The following BNC1 variants were observed in gnomAD, a reference collection of about 807,000 sequenced individuals.
BNC1 encodes the protein basonuclin zinc finger protein 1, also known as zinc finger protein basonuclin-1.
A neutral mutation model predicts 66.5 loss-of-function variants in BNC1; 8 were observed. The observed-to-expected ratio is 0.12, with a 90% CI of 0.07 to 0.22. The LOEUF (loss-of-function observed/expected upper bound fraction) is 0.22, where lower values mean the gene tolerates loss of function less well. BNC1 is among the 10% of genes least tolerant of loss of function. The pLI, the probability that BNC1 is intolerant of heterozygous loss-of-function variation, is 1.00. For synonymous variants in BNC1, 454 were observed against 452.6 expected (o/e 1.00, Z -0.04); for missense variants, 1,069 against 1,241.3 (o/e 0.86, Z 2.09).
chr15:83,256,864 T>A lies in BNC1; in HGVS notation c.*578A>T, dbSNP rs1187066597. The A allele has an allele frequency of 6.6e-6, 1 of 152,642 alleles. No homozygotes were observed. The highest frequency in any genetic ancestry group is 2.4e-5 in the African/African-American group (1 of 41,460). 9.5% of individuals were successfully genotyped at this position (152,642 alleles called of 1,614,324 possible). ...CATGTTAGAGGCCAACCCAATCCTC[T>A]GAGAACTCCCTGGGGTAACATATGA... On this transcript the variant is annotated 3_prime_UTR_variant, in exon 5 of 5. Coordinates refer to ENST00000345382, the MANE Select transcript of BNC1 (RefSeq NM_001717.4).
intron 1 of BNC1, among the ~76,000 whole-genome samples, chr15:83,273,288 A>G (rs921830350): frequency 3.3e-5 from 5 of 152,226 alleles, no homozygotes; most frequent in Admixed American, 1.3e-4. Flanking sequence ...TTAGAACTCC[A>G]CGACATAGTA....
At position 83,263,217 on chromosome 15, in the gene BNC1, C is replaced by T. The variant is rs1456401759; in HGVS notation, c.2034G>A (p.Leu678=). The change falls in exon 4 of 5, where the codon CTG becomes CTA. Residue 678 remains leucine (L), a synonymous_variant. Coordinates refer to ENST00000345382, the MANE Select transcript of BNC1 (RefSeq NM_001717.4). ...FSDYMELQQR[L]LAGGLFSALS... is the part of the protein sequence containing the mutation. ...AAGCACTGAAGAGTCCCCCAGCCAGCAGGCGCTGCTGCAGTTCCATGTAGT... is the reference window on the plus strand; with the variant it reads ...AAGCACTGAAGAGTCCCCCAGCCAGTAGGCGCTGCTGCAGTTCCATGTAGT... The T allele has an allele frequency of 6.2e-7, 1 of 1,614,218 alleles. No individual in the cohort carries two copies. Among genetic ancestry groups the T allele is most frequent in the Non-Finnish European group, 8.5e-7 (1 of 1,180,054 alleles).
At chr15:83,272,706 C>A (rs1166616078) in intron 1 of BNC1, among the ~76,000 whole-genome samples, 1 of 152,194 alleles carries the variant, frequency 6.6e-6, no homozygotes. Flanking sequence ...GTGACTGTCT[C>A]AGGTTCAGCA....
At chr15:83,278,018 C>T (rs2038343770) in intron 1 of BNC1, among the ~76,000 whole-genome samples, 1 of 151,950 alleles carries the variant, frequency 6.6e-6, no homozygotes. Context: ...TATGAAAACC[C>T]ACAGAGGTAC....
intron 1 of BNC1, among the ~76,000 whole-genome samples, chr15:83,274,727 A>G (rs1443735683): frequency 6.6e-6 from 1 of 152,254 alleles, no homozygotes; most frequent in East Asian, 1.9e-4. Context: ...AGCATTTATT[A>G]CATGTGAGAT....
Position 83,265,066 on chromosome 15 carries a change from C to T in BNC1, c.436-251G>A, listed in dbSNP as rs138334043. On this transcript the variant is annotated intron_variant, in intron 3 of 4. Coordinates refer to ENST00000345382, the MANE Select transcript of BNC1 (RefSeq NM_001717.4). ...AAGAGACAAATAAAACCATATTACT[C>T]AAGTGAAGTCAGGGAAATGTAGTGA... Among the ~76,000 whole-genome samples the T allele has an allele frequency of 2.0e-5, 3 of 152,300 alleles. No homozygotes were observed. In the East Asian group the frequency reaches 5.8e-4, roughly 29 times the overall value.
chr15:83,269,127 G>A (rs188627837), intron 1 of BNC1, among the ~76,000 whole-genome samples: 8 of 152,324 alleles, frequency 5.3e-5, no homozygotes, highest in African/African-American at 1.9e-4. Flanking sequence ...GGGAGGCTAA[G>A]GCCGAAGAAT....
At position 83,263,769 on chromosome 15, in the gene BNC1, A is replaced by G; in HGVS notation, c.1482T>C (p.Ser494=). 2 of 1,614,170 alleles carry G rather than the reference A, an allele frequency of 1.2e-6. No individual in the cohort carries two copies. Among genetic ancestry groups the G allele is most frequent in the Non-Finnish European group, 1.7e-6 (2 of 1,180,024 alleles). Residue 494 remains serine (S), a synonymous_variant, in exon 4 of 5, where the codon AGT becomes AGC. Coordinates refer to ENST00000345382, the MANE Select transcript of BNC1 (RefSeq NM_001717.4). Reference sequence around the variant, plus strand: ...TTGCTACCTCGGCAGGCGTGGCTGGACTGCGGTAGAAAGGAAGGACTGGCT... The same window carrying G: ...TTGCTACCTCGGCAGGCGTGGCTGGGCTGCGGTAGAAAGGAAGGACTGGCT... ...TVQPVLPFYR[S]PATPAEVANT...
chr15:83,280,046 G>A (rs767127399), intron 1 of BNC1, among the ~76,000 whole-genome samples: 4 of 152,148 alleles, frequency 2.6e-5, no homozygotes, highest in Non-Finnish European at 4.4e-5. Flanking sequence ...TTCTTTTGAT[G>A]TCTATGAATC....
At chr15:83,274,181 G>A (rs1356043759) in intron 1 of BNC1, among the ~76,000 whole-genome samples, 1 of 152,126 alleles carries the variant, frequency 6.6e-6, no homozygotes, top group Non-Finnish European at 1.5e-5. Flanking sequence ...TCAGGAGATT[G>A]AGACCATCCT....
At chr15:83,268,354 T>C (rs2038237603) in intron 1 of BNC1, 122 bp from the exon 2 acceptor site, 6 of 846,204 alleles carry the variant, frequency 7.1e-6, no homozygotes, top group Non-Finnish European at 9.5e-6. Flanking sequence ...GTGCCCACTG[T>C]GTGCCAGGCC....
intron 1 of BNC1, among the ~76,000 whole-genome samples, chr15:83,273,487 C>T (rs913630462): frequency 6.6e-6 from 1 of 152,196 alleles, no homozygotes; most frequent in Non-Finnish European, 1.5e-5. Flanking sequence ...ACATTCTGAA[C>T]TCATCAAGAC....
chr15:83,260,790 T>C (rs1484853698), intron 4 of BNC1, among the ~76,000 whole-genome samples: 1 of 152,216 alleles, frequency 6.6e-6, no homozygotes, highest in Non-Finnish European at 1.5e-5. Context: ...AAAGAGAAGT[T>C]AAATGTCCCT....
intron 1 of BNC1, among the ~76,000 whole-genome samples, chr15:83,279,468 T>A (rs1308976901): frequency 2.0e-5 from 3 of 152,180 alleles, no homozygotes; most frequent in Middle Eastern, 3.2e-3. Flanking sequence ...CAGAGAGGGC[T>A]TCCTCCAGGA....
intron 1 of BNC1, among the ~76,000 whole-genome samples, chr15:83,270,480 T>A (rs1248645188): frequency 6.6e-6 from 1 of 152,178 alleles, no homozygotes; most frequent in East Asian, 1.9e-4. Context: ...TTTCTCCACA[T>A]CCTCATCAAC....
intron 1 of BNC1, among the ~76,000 whole-genome samples, chr15:83,270,027 T>C (rs764901784): frequency 3.3e-5 from 5 of 152,300 alleles, no homozygotes; most frequent in South Asian, 2.1e-4. Context: ...AACAGGCCAA[T>C]TGATAAAGGC....
intron 1 of BNC1, among the ~76,000 whole-genome samples, chr15:83,281,853 G>A (rs888191273): frequency 1.3e-5 from 2 of 152,188 alleles, no homozygotes; most frequent in Admixed American, 6.5e-5. Context: ...GGGTTGGATC[G>A]TCTTTCCAAT....
chr15:83,283,354 G>A lies in BNC1; in HGVS notation c.99+1176C>T. 1.4e-6 allele frequency: 2 copies of A among 1,429,068 alleles called. 1 individual carries two copies. The highest frequency in any genetic ancestry group is 3.0e-5 in the South Asian group (2 of 66,754). The allele number at this position is 1,429,068 out of a possible 1,614,324, so 88.5% of individuals were successfully genotyped here. A position where few individuals can be genotyped will look rare whatever the true frequency, so the allele number is the denominator to read the frequency against. On this transcript the variant is annotated intron_variant, in intron 1 of 4. Coordinates refer to ENST00000345382, the MANE Select transcript of BNC1 (RefSeq NM_001717.4). The stretch of plus-strand genomic sequence containing the variant: ...CGGCGGCGGGGCTCCGGGTCTGGGC[G>A]GCGGCTCCGGAGGAGCAGCGGGAGA...
In BNC1 at chr15:83,255,902, A is replaced by T; in HGVS notation, c.*1540T>A. 6.5e-6 allele frequency: 1 copy of T among 152,694 alleles called. No homozygotes were observed. The highest frequency in any genetic ancestry group is 1.9e-4 in the East Asian group (1 of 5,198). 9.5% of individuals were successfully genotyped at this position (152,694 alleles called of 1,614,324 possible). ...ACAAATGTTTGCCTTTTTAAACAAAAGGTGTGCCATATATTTTTATTAAAT... is the reference window on the plus strand; with the variant it reads ...ACAAATGTTTGCCTTTTTAAACAAATGGTGTGCCATATATTTTTATTAAAT... On this transcript the variant is annotated 3_prime_UTR_variant, in exon 5 of 5. Transcript: ENST00000345382.
Sources: gnomAD v4.1 joint callset for allele counts (sites outside exome capture counted in the v4.1 genomes callset) on GRCh38, gnomAD v4.1.1 for gene constraint, MANE v1.5 for transcripts, NCBI Gene and HGNC (gene_info 2026-07-23, HGNC 2026-07-21) for gene names.